Variants in CTNNBL1 observed in about 807,000 individuals in gnomAD.
CTNNBL1 encodes the protein catenin beta like 1, also known as beta-catenin-like protein 1.
A neutral mutation model predicts 72.7 loss-of-function variants in CTNNBL1; 31 were observed. That is an observed-to-expected ratio of 0.43 (90% CI 0.32 to 0.58). The LOEUF is 0.58. CTNNBL1 is among the 20% of genes least tolerant of loss of function. The pLI, the probability that CTNNBL1 is intolerant of heterozygous loss-of-function variation, is 0.08. For synonymous variants in CTNNBL1, 240 were observed against 267.3 expected, an observed-to-expected ratio of 0.90 and a Z score of 1.00; for missense variants, 534 against 725.1, an observed-to-expected ratio of 0.74 and a Z score of 3.03.
chr20:37,821,769 C>A (rs1174313972), intron 11 of CTNNBL1, among the ~76,000 whole-genome samples: 1 of 152,170 alleles, frequency 6.6e-6, no homozygotes, highest in Non-Finnish European at 1.5e-5. Flanking sequence ...ACACTTAGAA[C>A]CAGATAATTT....
chr20:37,780,864 G>A (rs1003201447), intron 10 of CTNNBL1, among the ~76,000 whole-genome samples: 2 of 151,986 alleles, frequency 1.3e-5, no homozygotes, highest in Non-Finnish European at 2.9e-5. Context: ...CCTATATCCC[G>A]TTTTACTTAA....
At chr20:37,719,023 A>G (rs2073017896) in intron 1 of CTNNBL1, among the ~76,000 whole-genome samples, 1 of 152,186 alleles carries the variant, frequency 6.6e-6, no homozygotes, top group South Asian at 2.1e-4. Flanking sequence ...ACAGGGTTAG[A>G]CTAGTATTCT....
At chr20:37,716,985 A>G (rs1279891035) in intron 1 of CTNNBL1, among the ~76,000 whole-genome samples, 6 of 152,224 alleles carry the variant, frequency 3.9e-5, no homozygotes, top group Non-Finnish European at 8.8e-5. Flanking sequence ...GTCTTAAGGA[A>G]TGAATGAGCA....
intron 1 of CTNNBL1, among the ~76,000 whole-genome samples, chr20:37,724,555 C>T (rs1347685563): frequency 6.6e-6 from 1 of 151,976 alleles, no homozygotes; most frequent in African/African-American, 2.4e-5. Context: ...AGTGTCTGGT[C>T]ACTGGAGGTG....
chr20:37,756,628 C>T (rs1024441978), intron 4 of CTNNBL1, among the ~76,000 whole-genome samples: 2 of 148,514 alleles, frequency 1.3e-5, no homozygotes, highest in African/African-American at 2.5e-5. Flanking sequence ...TCTCTCTCTC[C>T]CTTTCTTTTT....
intron 11 of CTNNBL1, among the ~76,000 whole-genome samples, chr20:37,805,400 T>C (rs1474261658): frequency 2.6e-5 from 3 of 116,012 alleles, no homozygotes; most frequent in Non-Finnish European, 5.0e-5. Flanking sequence ...TTTTTTGTTT[T>C]TTTTTTTCCT....
intron 11 of CTNNBL1, among the ~76,000 whole-genome samples, chr20:37,830,148 C>T (rs2072195360): frequency 6.6e-6 from 1 of 151,670 alleles, no homozygotes; most frequent in South Asian, 2.1e-4. Flanking sequence ...TAAATTTTAA[C>T]AGCTTTATTG....
chr20:37,834,114 G>A lies in CTNNBL1; in HGVS notation c.1214-5988G>A, dbSNP rs191447284. Among the ~76,000 whole-genome samples, 4 of 152,244 alleles carry A rather than the reference G, an allele frequency of 2.6e-5. No homozygotes were observed. The East Asian group carries it at 7.7e-4, about 29-fold the overall frequency. ...ACCTTGCTCCAGACTGTGGTGAGCC[G>A]TGGAAATGCATGCCAGTGTCATGTG... On this transcript the variant is annotated intron_variant, in intron 11 of 15. Coordinates refer to ENST00000361383, the MANE Select transcript of CTNNBL1 (RefSeq NM_030877.5).
intron 11 of CTNNBL1, among the ~76,000 whole-genome samples, chr20:37,804,669 T>C (rs1600498591): frequency 1.3e-5 from 2 of 152,168 alleles, no homozygotes; most frequent in Admixed American, 1.3e-4. Context: ...ACCTGCTGGG[T>C]TCCACTGAGA....
chr20:37,843,023 T>C (rs1201563506), intron 13 of CTNNBL1, among the ~76,000 whole-genome samples: 1 of 152,220 alleles, frequency 6.6e-6, no homozygotes, highest in East Asian at 1.9e-4. Context: ...CTGTGCTTAC[T>C]ATGGTGTTAT....
chr20:37,720,758 G>C (rs1006527009), intron 1 of CTNNBL1, among the ~76,000 whole-genome samples: 1 of 152,092 alleles, frequency 6.6e-6, no homozygotes, highest in Non-Finnish European at 1.5e-5. Context: ...CCAAAAATCT[G>C]TCTTTCATTG....
chr20:37,749,999 A>G (rs1162210311), intron 4 of CTNNBL1: 1 of 152,192 alleles, frequency 6.6e-6, no homozygotes, highest in Non-Finnish European at 1.5e-5. Flanking sequence ...CCAAGACCAT[A>G]TATGGCTGGT....
At chr20:37,761,254 T>C (rs2073415070) in intron 5 of CTNNBL1, among the ~76,000 whole-genome samples, 1 of 152,248 alleles carries the variant, frequency 6.6e-6, no homozygotes, top group South Asian at 2.1e-4. Flanking sequence ...CAGCATTTGC[T>C]TTATAGAAAC....
At chr20:37,852,640 G>A (rs1423001802) in intron 13 of CTNNBL1, among the ~76,000 whole-genome samples, 2 of 152,172 alleles carry the variant, frequency 1.3e-5, no homozygotes, top group African/African-American at 2.4e-5. Flanking sequence ...CAAGAGCACC[G>A]GATCAGGGAA....
At chr20:37,862,159 T>TG (rs953456258) in intron 15 of CTNNBL1, among the ~76,000 whole-genome samples, 20 of 152,142 alleles carry the variant, frequency 1.3e-4, no homozygotes, top group Non-Finnish European at 2.8e-4. Context: ...GGTGACACCC[T>TG]GGGGGCTTCT....
At chr20:37,802,218 GA>G (rs1423483595) in intron 10 of CTNNBL1, among the ~76,000 whole-genome samples, 1 of 152,318 alleles carries the variant, frequency 6.6e-6, no homozygotes, top group Non-Finnish European at 1.5e-5. Context: ...GATGAACCTT[GA>G]AAACATTGCC....
chr20:37,798,759 A>G (rs369172943), intron 10 of CTNNBL1, among the ~76,000 whole-genome samples: 2 of 152,312 alleles, frequency 1.3e-5, no homozygotes, highest in East Asian at 3.9e-4. Flanking sequence ...TATTTCAAAC[A>G]GTTCTGTGTT....
At chr20:37,793,937 C>T (rs996117849) in intron 10 of CTNNBL1, among the ~76,000 whole-genome samples, 8 of 152,032 alleles carry the variant, frequency 5.3e-5, no homozygotes, top group African/African-American at 1.7e-4. Context: ...TGTGCCACCA[C>T]GCCCAGCTAA....
chr20:37,837,063 A>G (rs1221108004), intron 11 of CTNNBL1, among the ~76,000 whole-genome samples: 6 of 152,076 alleles, frequency 3.9e-5, no homozygotes, highest in Non-Finnish European at 8.8e-5. Flanking sequence ...GCTACTTCCA[A>G]CTTGGTTGGC....
Sources: allele counts gnomAD v4.1 joint callset (sites outside exome capture counted in the v4.1 genomes callset), GRCh38; gene constraint gnomAD v4.1.1; transcripts MANE v1.5; gene names NCBI Gene and HGNC (gene_info 2026-07-23, HGNC 2026-07-21).